The following ARPIN variants were observed in gnomAD, a reference collection of about 807,000 sequenced individuals.
ARPIN encodes UPF0552 protein C15orf38.
In ARPIN, 23 loss-of-function variants were observed where a neutral mutation model predicts 25.9. That is an observed-to-expected ratio of 0.89 (90% confidence interval 0.64 to 1.26). The LOEUF is 1.26. Ranked by LOEUF, ARPIN falls within the 50% of genes most tolerant of loss-of-function variation. The pLI is 0.00. For synonymous variants in ARPIN, 126 were observed against 131.4 expected (o/e 0.96, Z 0.28); for missense variants, 333 against 312.2 (o/e 1.07, Z -0.50).
chr15:89,910,144 C>G (rs1322857403), intron 2 of ARPIN, among the ~76,000 whole-genome samples: 1 of 152,168 alleles, frequency 6.6e-6, no homozygotes, highest in African/African-American at 2.4e-5. Context: ...GACATGCAGG[C>G]TCCATGTAGC....
intron 1 of ARPIN, chr15:89,912,377 G>A: frequency 9.6e-7 from 1 of 1,045,104 alleles, no homozygotes; most frequent in Non-Finnish European, 1.2e-6. Context: ...TTCTGGGGCA[G>A]GGCATGAGTC....
chr15:89,912,569 G>A, intron 1 of ARPIN, 175 bp downstream of exon 1: 1 of 1,348,764 alleles, frequency 7.4e-7, no homozygotes, highest in Non-Finnish European at 9.5e-7. Flanking sequence ...TCGCTGGGCG[G>A]GCGCGGCGGC....
rs952580194 is a variant in ARPIN, at chr15:89,906,972, GA to G, written c.301+1307del. 3.2e-4 allele frequency among the ~76,000 whole-genome samples: 45 copies of G among 142,480 alleles called. 1 individual carries two copies. The highest frequency in any genetic ancestry group is 2.7e-3 in the South Asian group (12 of 4,474). The allele number at this position is 142,480 out of a possible 152,430, so 93.5% of individuals were successfully genotyped here. On this transcript the variant is annotated intron_variant, in intron 3 of 5. Coordinates refer to ENST00000357484, the MANE Select transcript of ARPIN (RefSeq NM_182616.4). ...TTTGTCTCAGACAGCAAAAGAAAAG[GA>G]AAAAAAAAAAGTCAAACTCAGCTGC...
chr15:89,910,831 A>AG lies in ARPIN; in HGVS notation c.93-13dup. On this transcript the variant is annotated splice_polypyrimidine_tract_variant and intron_variant, in intron 1 of 5. Transcript: ENST00000357484. ...GGACACCATTTCCCCTGGGGATGAA[A>AG]GGGAAAGAAAGGATAGCCAGTTTTG... 6.2e-7 allele frequency: 1 copy of AG among 1,613,894 alleles called. No homozygotes were observed. Among genetic ancestry groups the AG allele is most frequent in the East Asian group, 2.2e-5 (1 of 44,888 alleles).
intron 3 of ARPIN, among the ~76,000 whole-genome samples, chr15:89,904,744 C>T (rs1284473162): frequency 2.6e-5 from 4 of 152,222 alleles, no homozygotes; most frequent in African/African-American, 9.6e-5. Context: ...AGGCTGCCTG[C>T]GCCACGCCAA....
chr15:89,904,128 T>C, intron 3 of ARPIN, 145 bp from the exon 4 acceptor site: 1 of 1,013,608 alleles, frequency 9.9e-7, no homozygotes, highest in Non-Finnish European at 1.4e-6. Flanking sequence ...CGAGTCCTCA[T>C]CAAGGAACTC....
In ARPIN at chr15:89,898,981, C is replaced by A. The variant is rs1896973852; in HGVS notation, c.*2814G>T. The A allele has an allele frequency of 6.6e-6, 1 of 152,372 alleles. No individual in the cohort carries two copies. Among genetic ancestry groups the A allele is most frequent in the Admixed American group, 6.5e-5 (1 of 15,290 alleles). 9.4% of individuals were successfully genotyped at this position (152,372 alleles called of 1,614,324 possible). ...GCCTCACCATCTGCCCATGCAGATG[C>A]CTATGCCACAGCAGCTTCCTATTTT... On this transcript the variant is annotated 3_prime_UTR_variant, in exon 6 of 6. Coordinates refer to ENST00000357484, the MANE Select transcript of ARPIN (RefSeq NM_182616.4).
intron 1 of ARPIN, chr15:89,912,065 C>T: frequency 2.4e-6 from 1 of 418,742 alleles, no homozygotes; most frequent in Non-Finnish European, 3.2e-6. Context: ...AAGTGATCCA[C>T]CCGCCTCGGC....
Position 89,897,184 on chromosome 15 carries a change from TC to T in ARPIN, c.*4610del, listed in dbSNP as rs1470607672. 2 of 152,196 alleles carry T rather than the reference TC, an allele frequency of 1.3e-5. No homozygotes were observed. The highest frequency in any genetic ancestry group is 4.8e-5 in the African/African-American group (2 of 41,454). The allele number at this position is 152,196 out of a possible 1,614,324, so 9.4% of individuals were successfully genotyped here. A position where few individuals can be genotyped will look rare whatever the true frequency, so the allele number is the denominator to read the frequency against. On this transcript the variant is annotated 3_prime_UTR_variant, in exon 6 of 6. Transcript: ENST00000357484. The stretch of plus-strand genomic sequence containing the variant: ...TGACAGAACTATCCAATGGTAGCAA[TC>T]TTAAAAATAATGGTTACAGGTGGGC...
intron 2 of ARPIN, 70 bp from the exon 3 acceptor site, chr15:89,908,482 G>A: frequency 6.3e-7 from 1 of 1,589,082 alleles, no homozygotes; most frequent in East Asian, 2.3e-5. Flanking sequence ...GGCTCCGGCT[G>A]CAGCCCCGCC....
Position 89,912,929 on chromosome 15 carries a change from T to G in ARPIN, c.-94A>C. ...CTGCAGGACGCGCGGGGACCCGCGA[T>G]TCCCAGCCGGCGGATCCGGGAATGG... On this transcript the variant is annotated 5_prime_UTR_variant, in exon 1 of 6. Coordinates refer to ENST00000357484, the MANE Select transcript of ARPIN (RefSeq NM_182616.4). 5.8e-6 allele frequency: 8 copies of G among 1,381,662 alleles called. No homozygotes were observed. Among genetic ancestry groups the G allele is most frequent in the Non-Finnish European group, 6.5e-6 (7 of 1,069,594 alleles). The allele number at this position is 1,381,662 out of a possible 1,614,324, so 85.6% of individuals were successfully genotyped here. A position where few individuals can be genotyped will look rare whatever the true frequency, so the allele number is the denominator to read the frequency against.
chr15:89,903,869 G>A lies in ARPIN; in HGVS notation c.416C>T (p.Ala139Val), dbSNP rs201638212. 1.5e-4 allele frequency: 237 copies of A among 1,613,982 alleles called. No homozygotes were observed. The highest frequency in any genetic ancestry group is 1.9e-4 in the Non-Finnish European group (222 of 1,180,040). The change falls in exon 4 of 6, where the codon GCG becomes GTG. Residue 139 changes from alanine (A) to valine (V), a missense_variant. Coordinates refer to ENST00000357484, the MANE Select transcript of ARPIN (RefSeq NM_182616.4). ...TESLTPDHTV[A>V]FWMPESEMEV... ...CATCTCTGACTCGGGCATCCAGAAC[G>A]CCACTGTGTGGTCGGGGGTGAGGCT...
At chr15:89,912,414 T>C in intron 1 of ARPIN, 1 of 1,136,456 alleles carries the variant, frequency 8.8e-7, no homozygotes, top group Non-Finnish European at 1.1e-6. Context: ...GGCAAGTAGC[T>C]GGAGTTTATA....
In ARPIN at chr15:89,912,602, T is replaced by TGGAGGGGCGGACTGAAGGC. The variant is rs1287282148; in HGVS notation, c.92+123_92+141dup. On this transcript the variant is annotated intron_variant, in intron 1 of 5. Transcript: ENST00000357484. ...GGCAGGGGCGCCGGGAGCGGCGGAC[T>TGGAGGGGCGGACTGAAGGC]GGAGGGGCGGACTGAAGGCGGAGAG... 3.0e-6 allele frequency: 4 copies of TGGAGGGGCGGACTGAAGGC among 1,346,668 alleles called. No individual in the cohort carries two copies. In the East Asian group the frequency reaches 1.3e-4, roughly 42 times the overall value. The allele number at this position is 1,346,668 out of a possible 1,614,324, so 83.4% of individuals were successfully genotyped here. A position where few individuals can be genotyped will look rare whatever the true frequency, so the allele number is the denominator to read the frequency against.
In ARPIN at chr15:89,903,456, G is replaced by A. The variant is rs878962953; in HGVS notation, c.509-77C>T. The A allele has an allele frequency of 1.2e-5, 19 of 1,591,450 alleles. No individual in the cohort carries two copies. The South Asian group carries it at 2.0e-4, about 16-fold the overall frequency. ...GTGAGGGCTGGGCCCATTATGGTGG[G>A]GTCCCCTAGGCCTGGGTTAAACCAC... On this transcript the variant is annotated intron_variant, in intron 4 of 5. Coordinates refer to ENST00000357484, the MANE Select transcript of ARPIN (RefSeq NM_182616.4).
rs375517547 is a variant in ARPIN, at chr15:89,896,697, C to T, written c.*5098G>A. The T allele has an allele frequency of 1.1e-4, 16 of 152,162 alleles. No homozygotes were observed. In the South Asian group the frequency reaches 1.7e-3, roughly 16 times the overall value. The allele number at this position is 152,162 out of a possible 1,614,324, so 9.4% of individuals were successfully genotyped here. A position where few individuals can be genotyped will look rare whatever the true frequency, so the allele number is the denominator to read the frequency against. Reference sequence around the variant, plus strand: ...AATAACTGATAAACTAAAAAGATAACACTCCCCATCTCCCCAGTAGATAAA... The same window carrying T: ...AATAACTGATAAACTAAAAAGATAATACTCCCCATCTCCCCAGTAGATAAA... On this transcript the variant is annotated 3_prime_UTR_variant, in exon 6 of 6. Transcript: ENST00000357484.
intron 1 of ARPIN, 68 bp from the exon 2 acceptor site, chr15:89,910,887 C>G: frequency 6.3e-7 from 1 of 1,581,380 alleles, no homozygotes; most frequent in Non-Finnish European, 8.6e-7. Flanking sequence ...CCCGTGTCTC[C>G]TATTTACCCA....
chr15:89,898,893 C>T lies in ARPIN; in HGVS notation c.*2902G>A, dbSNP rs1896972767. 1 of 152,198 alleles carries T rather than the reference C, an allele frequency of 6.6e-6. No homozygotes were observed. Among genetic ancestry groups the T allele is most frequent in the South Asian group, 2.1e-4 (1 of 4,826 alleles). 9.4% of individuals were successfully genotyped at this position (152,198 alleles called of 1,614,324 possible). On this transcript the variant is annotated 3_prime_UTR_variant, in exon 6 of 6. Coordinates refer to ENST00000357484, the MANE Select transcript of ARPIN (RefSeq NM_182616.4). ...TAGGAAGGCTTCTGCCCTGGCTGGG[C>T]CTGCCCTAATGCCTGAACCAGTCCT...
intron 4 of ARPIN, among the ~76,000 whole-genome samples, 175 bp from the exon 5 acceptor site, chr15:89,903,554 C>G (rs1301867291): frequency 6.6e-6 from 1 of 152,186 alleles, no homozygotes; most frequent in African/African-American, 2.4e-5. Context: ...GAGAGTCGCT[C>G]ACAGGAACCA....
Sources: gnomAD v4.1 joint callset for allele counts (sites outside exome capture counted in the v4.1 genomes callset) on GRCh38, gnomAD v4.1.1 for gene constraint, MANE v1.5 for transcripts, NCBI Gene and HGNC (gene_info 2026-07-23, HGNC 2026-07-21) for gene names.